The following TCF4 variants were observed in gnomAD, a reference collection of about 807,000 sequenced individuals.
TCF4 encodes the protein SL3-3 enhancer factor 2.
Under a neutral mutation model 82.1 loss-of-function variants are expected in TCF4, and 3 were observed. That is an observed-to-expected ratio of 0.04 (90% CI 0.02 to 0.09). The LOEUF is 0.09. Among genes scored for constraint, TCF4 ranks in the 10% least tolerant of loss-of-function variants. The pLI, the probability that TCF4 is intolerant of heterozygous loss-of-function variation, is 1.00. For missense variants in TCF4, 518 were observed against 852.7 expected (o/e 0.61, Z 4.89); for synonymous variants, 276 against 309.6 (o/e 0.89, Z 1.14).
At chr18:55,344,305 A>G (rs751569917) in intron 8 of TCF4, among the ~76,000 whole-genome samples, 2 of 152,186 alleles carry the variant, frequency 1.3e-5, no homozygotes, top group Non-Finnish European at 2.9e-5. Flanking sequence ...ATGGTATTCA[A>G]TCAAATTATC....
chr18:55,259,271 C>T (rs146125169), intron 13 of TCF4, among the ~76,000 whole-genome samples: 2 of 152,138 alleles, frequency 1.3e-5, no homozygotes, highest in Non-Finnish European at 2.9e-5. Context: ...AGACATGAAC[C>T]AAGGAAGGCT....
At chr18:55,397,174 G>A (rs1241259460) in intron 6 of TCF4, among the ~76,000 whole-genome samples, 2 of 152,170 alleles carry the variant, frequency 1.3e-5, no homozygotes, top group African/African-American at 4.8e-5. Flanking sequence ...AGTGATTAAA[G>A]TTAGCATTAC....
chr18:55,598,027 A>G (rs1394556428), intron 2 of TCF4, among the ~76,000 whole-genome samples: 1 of 152,222 alleles, frequency 6.6e-6, no homozygotes, highest in Non-Finnish European at 1.5e-5. Context: ...CCCAGCCTTT[A>G]CATGCTAATG....
intron 3 of TCF4, among the ~76,000 whole-genome samples, chr18:55,568,514 T>TAC (rs528776105): frequency 6.6e-6 from 1 of 151,666 alleles, no homozygotes; most frequent in Admixed American, 6.6e-5. Context: ...CACACATCTA[T>TAC]ACACACACAC....
rs568437840 is a variant in TCF4, at chr18:55,558,770, G to A, written c.145+26510C>T. The stretch of plus-strand genomic sequence containing the variant: ...GGGGCATTTCTCTTTGAAAGGATGT[G>A]ATATACTTATTTAGGTCACTCTCCA... On this transcript the variant is annotated intron_variant, in intron 3 of 19. Transcript: ENST00000354452. Among the ~76,000 whole-genome samples the A allele has an allele frequency of 1.6e-4, 25 of 152,156 alleles. 1 individual carries two copies. In the South Asian group the frequency reaches 4.3e-3, roughly 26 times the overall value.
intron 5 of TCF4, among the ~76,000 whole-genome samples, chr18:55,406,103 C>G (rs149524595): frequency 6.0e-5 from 9 of 149,670 alleles, no homozygotes; most frequent in Non-Finnish European, 1.0e-4. Context: ...GGCAGCACAG[C>G]CAGCAGGAGG....
chr18:55,487,756 T>C (rs2096533084), intron 3 of TCF4, among the ~76,000 whole-genome samples: 1 of 152,090 alleles, frequency 6.6e-6, no homozygotes, highest in Non-Finnish European at 1.5e-5. Flanking sequence ...AGCATAAAAA[T>C]TTCTATGAGA....
Position 55,254,897 on chromosome 18 carries a change from G to A in TCF4, c.1147-197C>T, listed in dbSNP as rs539192416. ...AGAACGTGTTAATGTTAAAATTATA[G>A]TGTTATTTTTCATGAACAAACTAAA... On this transcript the variant is annotated intron_variant, in intron 14 of 19. Coordinates refer to ENST00000354452, the MANE Select transcript of TCF4 (RefSeq NM_001083962.2). 4.6e-5 allele frequency among the ~76,000 whole-genome samples: 7 copies of A among 152,242 alleles called. No individual in the cohort carries two copies. The South Asian group carries it at 1.5e-3, about 32-fold the overall frequency.
intron 3 of TCF4, among the ~76,000 whole-genome samples, chr18:55,508,148 C>A (rs1348745529): frequency 6.6e-6 from 1 of 152,016 alleles, no homozygotes; most frequent in East Asian, 1.9e-4. Context: ...TTTCTCCCAC[C>A]CCCCACCAAC....
At chr18:55,536,199 A>G (rs1445137184) in intron 3 of TCF4, among the ~76,000 whole-genome samples, 1 of 152,218 alleles carries the variant, frequency 6.6e-6, no homozygotes, top group Non-Finnish European at 1.5e-5. Flanking sequence ...TTTTCACATC[A>G]TGGTCTTCAA....
intron 6 of TCF4, among the ~76,000 whole-genome samples, chr18:55,383,418 C>G (rs1436054053): frequency 6.6e-6 from 1 of 152,134 alleles, no homozygotes; most frequent in East Asian, 1.9e-4. Flanking sequence ...ACCTAGGATA[C>G]CACTAAATCA....
In TCF4 at chr18:55,234,544, C is replaced by G. The variant is rs201274415; in HGVS notation, c.1486+4G>C. On this transcript the variant is annotated splice_donor_region_variant and intron_variant, in intron 16 of 19. Coordinates refer to ENST00000354452, the MANE Select transcript of TCF4 (RefSeq NM_001083962.2). The stretch of plus-strand genomic sequence containing the variant: ...TCAGAAGTGCCCTGGTGAGGCCAAC[C>G]TACCTCTGTAAGGGTCCTGGGGTGG... 24 of 1,614,056 alleles carry G rather than the reference C, an allele frequency of 1.5e-5. No individual in the cohort carries two copies. The highest frequency in any genetic ancestry group is 2.0e-5 in the Non-Finnish European group (24 of 1,180,030).
intron 8 of TCF4, among the ~76,000 whole-genome samples, chr18:55,320,478 C>T (rs1474608718): frequency 6.6e-6 from 1 of 152,214 alleles, no homozygotes; most frequent in Admixed American, 6.5e-5. Context: ...TGAAACTGCA[C>T]CTTCAAACAG....
intron 5 of TCF4, among the ~76,000 whole-genome samples, chr18:55,422,686 T>G (rs973243246): frequency 2.0e-5 from 3 of 152,120 alleles, no homozygotes; most frequent in Admixed American, 6.5e-5. Context: ...ATGCAAGCAT[T>G]TGGGAATTGT....
intron 3 of TCF4, among the ~76,000 whole-genome samples, chr18:55,490,093 A>T (rs980110560): frequency 5.9e-5 from 9 of 152,206 alleles, no homozygotes; most frequent in African/African-American, 2.2e-4. Context: ...GTTAAAAAGC[A>T]TAAAGAATAT....
intron 2 of TCF4, among the ~76,000 whole-genome samples, chr18:55,613,919 C>T (rs1223803770): frequency 6.6e-6 from 1 of 152,026 alleles, no homozygotes; most frequent in Non-Finnish European, 1.5e-5. Flanking sequence ...GGGTTGTTTC[C>T]AGTTTTAGGC....
intron 3 of TCF4, among the ~76,000 whole-genome samples, chr18:55,514,865 A>G (rs1390554848): frequency 6.6e-6 from 1 of 152,216 alleles, no homozygotes; most frequent in Non-Finnish European, 1.5e-5. Context: ...TAATGCATAC[A>G]TCATCTGATT....
intron 2 of TCF4, chr18:55,585,967 G>A: frequency 7.6e-7 from 1 of 1,314,614 alleles, no homozygotes. Flanking sequence ...AGTGGATAAT[G>A]CACACCTTCC....
chr18:55,399,948 C>T (rs902923201), intron 6 of TCF4, among the ~76,000 whole-genome samples: 1 of 146,434 alleles, frequency 6.8e-6, no homozygotes, highest in Admixed American at 6.8e-5. Flanking sequence ...GAAACCATGG[C>T]TTTAGACCTG....
Sources: allele counts gnomAD v4.1 joint callset (sites outside exome capture counted in the v4.1 genomes callset), GRCh38; gene constraint gnomAD v4.1.1; transcripts MANE v1.5; gene names NCBI Gene and HGNC (gene_info 2026-07-23, HGNC 2026-07-21).